The following JARID2 variants were observed in gnomAD, a reference collection of about 807,000 sequenced individuals.
JARID2 encodes jumonji and AT-rich interaction domain containing 2.
In JARID2, 21 loss-of-function variants were observed where a neutral mutation model predicts 125.6. The observed-to-expected ratio is 0.17, with a 90% CI of 0.12 to 0.24. The LOEUF is 0.24. JARID2 is among the 10% of genes least tolerant of loss of function. The pLI is 1.00. For synonymous variants in JARID2, 736 were observed against 661.6 expected (o/e 1.11, Z -1.73); for missense variants, 1,303 against 1,639.6 (o/e 0.79, Z 3.55).
chr6:15,310,606 A>C (rs1421482274), intron 1 of JARID2, among the ~76,000 whole-genome samples: 1 of 152,058 alleles, frequency 6.6e-6, no homozygotes. Context: ...CTTGCTGGGT[A>C]GTTCTGGAGG....
intron 5 of JARID2, among the ~76,000 whole-genome samples, chr6:15,478,215 G>T (rs906233333): frequency 6.6e-6 from 1 of 152,176 alleles, no homozygotes; most frequent in Non-Finnish European, 1.5e-5. Flanking sequence ...TGGAAGAGAA[G>T]CTCCTGGCTC....
rs563851195 is a variant in JARID2, at chr6:15,380,160, C to T, written c.181+5908C>T. On this transcript the variant is annotated intron_variant, in intron 2 of 17. Coordinates refer to ENST00000341776, the MANE Select transcript of JARID2 (RefSeq NM_004973.4). ...AAGTGATTCTCCCACCTCAGTCTCC[C>T]GAGTAGCTGGGATTACAGGCATGTG... Among the ~76,000 whole-genome samples, 7 of 151,934 alleles carry T rather than the reference C, an allele frequency of 4.6e-5. No individual in the cohort carries two copies. The South Asian group carries it at 6.2e-4, about 14-fold the overall frequency.
At chr6:15,498,088 CAT>C (rs899842557) in intron 7 of JARID2, among the ~76,000 whole-genome samples, 5 of 152,194 alleles carry the variant, frequency 3.3e-5, no homozygotes, top group African/African-American at 1.2e-4. Context: ...AGGGCTTCAA[CAT>C]ATGAATTTGG....
At chr6:15,469,315 T>TCTC (rs1384828225) in intron 5 of JARID2, among the ~76,000 whole-genome samples, 1 of 124,966 alleles carries the variant, frequency 8.0e-6, no homozygotes, top group African/African-American at 3.1e-5. Flanking sequence ...TCTCTCTCTC[T>TCTC]CTGTCTCTCT....
intron 1 of JARID2, among the ~76,000 whole-genome samples, chr6:15,301,424 C>G (rs902204351): frequency 1.3e-5 from 2 of 152,038 alleles, no homozygotes; most frequent in Non-Finnish European, 2.9e-5. Context: ...CTCATTCATA[C>G]CTTTATTTTT....
chr6:15,313,359 A>C (rs895704976), intron 1 of JARID2, among the ~76,000 whole-genome samples: 3 of 152,144 alleles, frequency 2.0e-5, no homozygotes, highest in African/African-American at 4.8e-5. Context: ...CAGTGTTTGG[A>C]GGTTGGGGTA....
chr6:15,263,663 A>C (rs1345269461), intron 1 of JARID2, among the ~76,000 whole-genome samples: 3 of 141,338 alleles, frequency 2.1e-5, no homozygotes, highest in Non-Finnish European at 4.5e-5. Flanking sequence ...CGCGATCTCC[A>C]CTCATTGCAA....
intron 1 of JARID2, among the ~76,000 whole-genome samples, chr6:15,284,757 G>A (rs1760928917): frequency 6.6e-6 from 1 of 152,188 alleles, no homozygotes; most frequent in Non-Finnish European, 1.5e-5. Context: ...AAAGTGCTGG[G>A]ATTACAGGTG....
chr6:15,277,803 G>A (rs1760590856), intron 1 of JARID2, among the ~76,000 whole-genome samples: 1 of 149,822 alleles, frequency 6.7e-6, no homozygotes, highest in Admixed American at 6.7e-5. Flanking sequence ...AACAGTCAAG[G>A]ATTCCATGTA....
intron 1 of JARID2, among the ~76,000 whole-genome samples, chr6:15,292,857 C>G (rs1049754328): frequency 6.6e-6 from 1 of 152,070 alleles, no homozygotes; most frequent in African/African-American, 2.4e-5. Context: ...TTTGTAGACA[C>G]GAGATCTTCC....
chr6:15,261,650 C>G (rs1177665854), intron 1 of JARID2, among the ~76,000 whole-genome samples: 1 of 150,914 alleles, frequency 6.6e-6, no homozygotes, highest in African/African-American at 2.4e-5. Flanking sequence ...AATGTGGTTT[C>G]TGCCATCAGC....
At chr6:15,474,279 T>C (rs1017003192) in intron 5 of JARID2, among the ~76,000 whole-genome samples, 1 of 152,228 alleles carries the variant, frequency 6.6e-6, no homozygotes, top group Non-Finnish European at 1.5e-5. Context: ...AAATTAAATA[T>C]TCTCAGCTGT....
In JARID2 at chr6:15,290,073, A is replaced by G. The variant is rs77642705; in HGVS notation, c.45+43489A>G. ...ACAGTTTTGTTAATTATACATACCT[A>G]TGTAATCACCACCCAATTGAAATAG... On this transcript the variant is annotated intron_variant, in intron 1 of 17. Transcript: ENST00000341776. 5.2e-3 allele frequency among the ~76,000 whole-genome samples: 791 copies of G among 152,260 alleles called. 8 individuals carry two copies. Among genetic ancestry groups the G allele is most frequent in the African/African-American group, 0.019 (770 of 41,532 alleles).
intron 8 of JARID2, among the ~76,000 whole-genome samples, chr6:15,503,301 A>G (rs547894815): frequency 6.6e-6 from 1 of 152,354 alleles, no homozygotes; most frequent in East Asian, 1.9e-4. Flanking sequence ...TATATTTACA[A>G]GAAACAGACT....
intron 4 of JARID2, among the ~76,000 whole-genome samples, chr6:15,463,674 C>T (rs1335289335): frequency 6.6e-6 from 1 of 152,114 alleles, no homozygotes; most frequent in African/African-American, 2.4e-5. Flanking sequence ...TCAGGTGATC[C>T]TTCTGCCTTG....
chr6:15,278,026 T>G (rs980156292), intron 1 of JARID2, among the ~76,000 whole-genome samples: 3 of 151,846 alleles, frequency 2.0e-5, no homozygotes, highest in Admixed American at 6.6e-5. Context: ...GGTGGGTGGA[T>G]CATTTCAGAT....
intron 16 of JARID2, among the ~76,000 whole-genome samples, chr6:15,514,789 C>G (rs1771466109): frequency 6.6e-6 from 1 of 152,172 alleles, no homozygotes; most frequent in South Asian, 2.1e-4. Flanking sequence ...GGCCCTACCC[C>G]CAACTGCAGT....
intron 2 of JARID2, among the ~76,000 whole-genome samples, chr6:15,404,028 A>G (rs1765546829): frequency 6.6e-6 from 1 of 152,128 alleles, no homozygotes; most frequent in African/African-American, 2.4e-5. Context: ...AGGGAAAGGG[A>G]TAATTATTTT....
intron 2 of JARID2, among the ~76,000 whole-genome samples, chr6:15,387,846 T>C (rs1246572543): frequency 1.3e-5 from 2 of 152,156 alleles, no homozygotes; most frequent in Non-Finnish European, 2.9e-5. Context: ...ATAGATTATT[T>C]GGGGAAGCAT....
Sources: allele counts gnomAD v4.1 joint callset (sites outside exome capture counted in the v4.1 genomes callset), GRCh38; gene constraint gnomAD v4.1.1; transcripts MANE v1.5; gene names NCBI Gene and HGNC (gene_info 2026-07-23, HGNC 2026-07-21).